The following HMGB1 variants were observed in gnomAD, a reference collection of about 807,000 sequenced individuals.
HMGB1 encodes the protein high mobility group box 1, also known as high mobility group protein B1.
For missense variants in HMGB1, 79 were observed against 253.5 expected, an observed-to-expected ratio of 0.31 and a Z score of 4.67; for synonymous variants, 81 against 84.0, an observed-to-expected ratio of 0.96 and a Z score of 0.19.
At chr13:30,594,581 A>C (rs1193494381) in intron 1 of HMGB1, among the ~76,000 whole-genome samples, 1 of 152,194 alleles carries the variant, frequency 6.6e-6, no homozygotes, top group Non-Finnish European at 1.5e-5. Context: ...ATGGCTGTGT[A>C]GTATTCCATG....
At chr13:30,522,109 C>CTTTTTTTTT (rs35096026) in intron 1 of HMGB1, among the ~76,000 whole-genome samples, 1 of 130,170 alleles carries the variant, frequency 7.7e-6, no homozygotes, top group African/African-American at 2.9e-5. Flanking sequence ...AATTATGATA[C>CTTTTTTTTT]TTTTTTTTTT....
At position 30,559,135 on chromosome 13, in the gene HMGB1, G is replaced by A. The variant is rs190115578; in HGVS notation, c.-15+57536C>T. Reference sequence around the variant, plus strand: ...AATAGGTGAGTCTGTTTCTTACATTGCCAAATGTACCTGGGGTGGGGGGTG... The same window carrying A: ...AATAGGTGAGTCTGTTTCTTACATTACCAAATGTACCTGGGGTGGGGGGTG... On this transcript the variant is annotated intron_variant, in intron 1 of 4. Transcript: ENST00000405805. This position sits in a 1 kb window ranked among gnomAD's most constrained non-coding sequence, Gnocchi z 6.6. 6.6e-6 allele frequency among the ~76,000 whole-genome samples: 1 copy of A among 151,970 alleles called. No individual in the cohort carries two copies. The highest frequency in any genetic ancestry group is 1.5e-5 in the Non-Finnish European group (1 of 67,994).
chr13:30,479,416 C>T (rs1468135857), intron 1 of HMGB1, among the ~76,000 whole-genome samples: 1 of 152,184 alleles, frequency 6.6e-6, no homozygotes, highest in Non-Finnish European at 1.5e-5. Flanking sequence ...CCCTCTAAAC[C>T]TTACCTCTTT....
Position 30,461,514 on chromosome 13 carries a change from G to C in HMGB1, c.491C>G (p.Ala164Gly). Residue 164 changes from alanine to glycine, a missense_variant, in exon 5 of 5, where the codon GCT (alanine) becomes GGT (glycine). Ala to Gly is a moderately conservative substitution (Grantham distance 60). Transcript: ENST00000341423. ...TTTTGCTGCATCAGGCTTTCCTTTA[G>C]CTCGATATGCAGCAATATCCTTCCA... ...KYEKDIAAYR[A>G]KGKPDAAKKG... 2.5e-6 allele frequency: 4 copies of C among 1,573,262 alleles called. No homozygotes were observed. The highest frequency in any genetic ancestry group is 3.5e-6 in the Non-Finnish European group (4 of 1,157,528).
chr13:30,535,100 CATA>C (rs1055325435), intron 1 of HMGB1, among the ~76,000 whole-genome samples: 1 of 152,206 alleles, frequency 6.6e-6, no homozygotes, highest in Non-Finnish European at 1.5e-5. Context: ...CAGGGACTCT[CATA>C]ATGAATCTTT....
In HMGB1 at chr13:30,555,569, A is replaced by G. The variant is rs73454388; in HGVS notation, c.-15+61102T>C. On this transcript the variant is annotated intron_variant, in intron 1 of 4. Coordinates refer to the HMGB1 transcript ENST00000405805. Reference sequence around the variant, plus strand: ...GATTTTGTGACTATTAGCAACCACAATTCTAGCTACTGCATTGACTATTAC... The same window carrying G: ...GATTTTGTGACTATTAGCAACCACAGTTCTAGCTACTGCATTGACTATTAC... Among the ~76,000 whole-genome samples the G allele has an allele frequency of 9.4e-3, 1,425 of 152,300 alleles. 21 individuals are homozygous for G. The highest frequency in any genetic ancestry group is 0.033 in the African/African-American group (1,370 of 41,562).
intron 1 of HMGB1, among the ~76,000 whole-genome samples, chr13:30,482,669 C>T (rs1213015620): frequency 1.3e-5 from 2 of 152,134 alleles, no homozygotes; most frequent in South Asian, 2.1e-4. Context: ...GTCATTAAAA[C>T]CAACAGTATC....
At chr13:30,483,536 A>T (rs1178674314) in intron 1 of HMGB1, among the ~76,000 whole-genome samples, 1 of 151,742 alleles carries the variant, frequency 6.6e-6, no homozygotes, top group Non-Finnish European at 1.5e-5. Context: ...AAGGTAAATT[A>T]TGACATTATG....
At chr13:30,573,629 G>A (rs536526017) in intron 1 of HMGB1, among the ~76,000 whole-genome samples, 11 of 150,982 alleles carry the variant, frequency 7.3e-5, no homozygotes, top group Admixed American at 2.0e-4. Context: ...AAGAAAAGGA[G>A]TCAAATGAAT....
At chr13:30,534,028 C>A (rs1303086294) in intron 1 of HMGB1, among the ~76,000 whole-genome samples, 1 of 152,034 alleles carries the variant, frequency 6.6e-6, no homozygotes, top group Non-Finnish European at 1.5e-5. Context: ...CCACACCCGG[C>A]TAATTTTGTA....
chr13:30,582,658 T>C (rs1250896860), intron 1 of HMGB1, among the ~76,000 whole-genome samples: 8 of 150,670 alleles, frequency 5.3e-5, no homozygotes, highest in Non-Finnish European at 8.9e-5. Context: ...ACAAAAACCA[T>C]CCACCAAAAT....
At chr13:30,469,415 T>C (rs983735342), upstream of HMGB1, among the ~76,000 whole-genome samples, 3 of 152,202 alleles carry the variant, frequency 2.0e-5, no homozygotes, top group African/African-American at 7.2e-5. Flanking sequence ...CAGTTGTATC[T>C]GCTTGTCCCA....
At chr13:30,525,718 T>TAAA (rs61016729) in intron 1 of HMGB1, among the ~76,000 whole-genome samples, 3 of 150,438 alleles carry the variant, frequency 2.0e-5, no homozygotes, top group African/African-American at 7.4e-5. Flanking sequence ...ATTATTAACA[T>TAAA]AAAAAAAAAA....
At chr13:30,609,984 GCTC>G (rs1196764890) in intron 1 of HMGB1, among the ~76,000 whole-genome samples, 5 of 152,170 alleles carry the variant, frequency 3.3e-5, no homozygotes, top group Admixed American at 6.6e-5. Context: ...TATCCACTCA[GCTC>G]CTCTTCAGTC....
intron 1 of HMGB1, among the ~76,000 whole-genome samples, chr13:30,531,408 A>G (rs1006267765): frequency 6.6e-6 from 1 of 152,090 alleles, no homozygotes; most frequent in Admixed American, 6.6e-5. Context: ...GTGGCTATTC[A>G]TTGCTACAGG....
chr13:30,607,357 T>C (rs571633864), intron 1 of HMGB1, among the ~76,000 whole-genome samples: 9 of 152,196 alleles, frequency 5.9e-5, no homozygotes, highest in African/African-American at 1.9e-4. Context: ...GACTGGATCA[T>C]GGGGGCGGCC....
intron 1 of HMGB1, among the ~76,000 whole-genome samples, chr13:30,548,128 G>A (rs1869249661): frequency 6.6e-6 from 1 of 152,124 alleles, no homozygotes; most frequent in Non-Finnish European, 1.5e-5. Context: ...ATCTCATCTT[G>A]AATTGTAGTT....
intron 1 of HMGB1, among the ~76,000 whole-genome samples, chr13:30,538,505 TC>T (rs1868594325): frequency 2.4e-5 from 3 of 124,946 alleles, no homozygotes; most frequent in African/African-American, 1.2e-4. Context: ...TTTCTTTCTT[TC>T]TTTCCTTTCT....
chr13:30,588,287 G>A (rs1437430848), intron 1 of HMGB1, among the ~76,000 whole-genome samples: 1 of 152,176 alleles, frequency 6.6e-6, no homozygotes, highest in Admixed American at 6.5e-5. Context: ...TATAAATTAT[G>A]AGGTACAGAA....
Sources: gnomAD v4.1 joint callset for allele counts (sites outside exome capture counted in the v4.1 genomes callset) on GRCh38, gnomAD v4.1.1 for gene constraint, Gnocchi (gnomAD v3.1) non-coding constraint, MANE v1.5 for transcripts, NCBI Gene and HGNC (gene_info 2026-07-23, HGNC 2026-07-21) for gene names.